The following MIX23 variants were observed in gnomAD, a reference collection of about 807,000 sequenced individuals.
MIX23 encodes protein MIX23.
A neutral mutation model predicts 21.6 loss-of-function variants in MIX23; 13 were observed. The ratio of observed to expected loss-of-function variants is 0.60; its 90% CI spans 0.39 to 0.96. MIX23 has a LOEUF of 0.96. MIX23 is among the 40% of genes least tolerant of loss of function. The probability of loss-of-function intolerance (pLI) is 0.00; values close to 1 mark genes in which losing one functional copy is unlikely to be tolerated. For synonymous variants in MIX23, 59 were observed against 58.0 expected (o/e 1.02, Z -0.08); for missense variants, 144 against 171.2 (o/e 0.84, Z 0.89).
intron 4 of MIX23, among the ~76,000 whole-genome samples, chr3:122,360,780 A>G (rs2075352594): frequency 6.6e-6 from 1 of 152,160 alleles, no homozygotes; most frequent in African/African-American, 2.4e-5. Flanking sequence ...GCCATTGACT[A>G]TTATAAAAAT....
Position 122,371,756 on chromosome 3 carries a change from A to G in MIX23, c.96T>C (p.His32=), listed in dbSNP as rs1576235475. 1 of 1,610,120 alleles carries G rather than the reference A, an allele frequency of 6.2e-7. No homozygotes were observed. The highest frequency in any genetic ancestry group is 2.2e-5 in the East Asian group (1 of 44,844). ...VMRTIDDRIV[H]ELNTTVPTAS... is the part of the protein sequence containing the mutation. ...CTGTTGGAACCGTAGTGTTTAATTC[A>G]TGTACTATTCTGTCATCAATTGTCC... The change falls in exon 2 of 5, where the codon CAT becomes CAC. Residue 32 remains histidine, a synonymous_variant. Coordinates refer to ENST00000291458, the MANE Select transcript of MIX23 (RefSeq NM_001017928.4).
At chr3:122,382,791 CCTT>C (rs1576242909) in intron 1 of MIX23, among the ~76,000 whole-genome samples, 1 of 152,180 alleles carries the variant, frequency 6.6e-6, no homozygotes, top group Non-Finnish European at 1.5e-5. Context: ...CTCTTCTGCA[CCTT>C]CTTCTCTCCC....
At chr3:122,372,449 T>C (rs960983244) in intron 1 of MIX23, among the ~76,000 whole-genome samples, 2 of 152,118 alleles carry the variant, frequency 1.3e-5, no homozygotes, top group Non-Finnish European at 2.9e-5. Context: ...CTCTTTCTTT[T>C]TAGTTTCTCA....
chr3:122,371,943 C>T (rs2075444972), intron 1 of MIX23, 143 bp from the exon 2 acceptor site: 1 of 655,636 alleles, frequency 1.5e-6, no homozygotes, highest in African/African-American at 1.8e-5. Context: ...TACATGCAAC[C>T]ATAAGAAAAT....
intron 1 of MIX23, among the ~76,000 whole-genome samples, chr3:122,374,708 C>T (rs2075469924): frequency 6.6e-6 from 1 of 152,100 alleles, no homozygotes; most frequent in Admixed American, 6.6e-5. Flanking sequence ...TTCAAAACAT[C>T]AAGGCTACAG....
intron 1 of MIX23, among the ~76,000 whole-genome samples, chr3:122,374,763 A>C (rs565083219): frequency 6.6e-6 from 1 of 152,304 alleles, no homozygotes; most frequent in South Asian, 2.1e-4. Flanking sequence ...AAAATTCCTG[A>C]AGGGGGAGAT....
intron 4 of MIX23, among the ~76,000 whole-genome samples, chr3:122,361,528 T>C (rs2075359008): frequency 6.6e-6 from 1 of 152,186 alleles, no homozygotes; most frequent in African/African-American, 2.4e-5. Context: ...TTAAAACAAG[T>C]AGGGGCCTCA....
chr3:122,378,695 C>T (rs1279340902), intron 1 of MIX23, among the ~76,000 whole-genome samples: 2 of 152,112 alleles, frequency 1.3e-5, no homozygotes, highest in Non-Finnish European at 2.9e-5. Context: ...GTGTTATAAT[C>T]TCATGGGACC....
intron 3 of MIX23, 53 bp from the exon 4 acceptor site, chr3:122,363,080 A>C: frequency 6.8e-7 from 1 of 1,472,836 alleles, no homozygotes; most frequent in Non-Finnish European, 9.4e-7. Flanking sequence ...AAGAAAAAAA[A>C]CTGAAGTTAT....
chr3:122,369,808 G>A (rs898327052), intron 2 of MIX23, among the ~76,000 whole-genome samples: 1 of 152,178 alleles, frequency 6.6e-6, no homozygotes, highest in Non-Finnish European at 1.5e-5. Context: ...GGACTGTGGT[G>A]GTGTGATCTT....
chr3:122,359,631 T>A lies in MIX23; in HGVS notation c.*238A>T. The A allele has an allele frequency of 6.7e-6, 2 of 297,380 alleles. No individual in the cohort carries two copies. Among genetic ancestry groups the A allele is most frequent in the Non-Finnish European group, 1.2e-5 (2 of 165,608 alleles). The allele number at this position is 297,380 out of a possible 1,614,324, so 18.4% of individuals were successfully genotyped here. A position where few individuals can be genotyped will look rare whatever the true frequency, so the allele number is the denominator to read the frequency against. ...AATTATTTTAATAGTTACAAAAATT[T>A]TTTTTTTTTTTTTTTACAGAATCAG... On this transcript the variant is annotated 3_prime_UTR_variant, in exon 5 of 5. Transcript: ENST00000291458.
chr3:122,366,986 T>C (rs901620665), intron 3 of MIX23, among the ~76,000 whole-genome samples: 3 of 152,012 alleles, frequency 2.0e-5, no homozygotes, highest in South Asian at 2.1e-4. Context: ...ACTGGTCCTG[T>C]AGGAAAAGTC....
chr3:122,371,842 GTTAGTGACAAAAAATAAGC>G, intron 1 of MIX23, 42 bp from the exon 2 acceptor site: 1 of 1,486,758 alleles, frequency 6.7e-7, no homozygotes, highest in Non-Finnish European at 9.2e-7. Context: ...CAAATGGAAA[GTTAGTGACAAAAAATAAGC>G]ATTTAAGTAA....
At position 122,377,433 on chromosome 3, in the gene MIX23, G is replaced by T. The variant is rs181473731; in HGVS notation, c.52-5633C>A. 1.1e-4 allele frequency among the ~76,000 whole-genome samples: 17 copies of T among 152,234 alleles called. No individual in the cohort carries two copies. In the East Asian group the frequency reaches 1.9e-3, roughly 17 times the overall value. On this transcript the variant is annotated intron_variant, in intron 1 of 4. Transcript: ENST00000291458. ...ACTGGAGGAGACTGTAGAAAGCGAAGGAGGCCAATGATTAAGGAATTCTTA... is the reference window on the plus strand; with the variant it reads ...ACTGGAGGAGACTGTAGAAAGCGAATGAGGCCAATGATTAAGGAATTCTTA...
intron 1 of MIX23, among the ~76,000 whole-genome samples, chr3:122,381,728 TAAAAAAAAA>T (rs55955834): frequency 1.5e-5 from 2 of 130,336 alleles, no homozygotes; most frequent in Admixed American, 1.6e-4. Context: ...AAAAAAAAAA[TAAAAAAAAA>T]AAAAAAAAGA....
At chr3:122,367,330 G>C (rs1200356767) in intron 3 of MIX23, among the ~76,000 whole-genome samples, 1 of 152,128 alleles carries the variant, frequency 6.6e-6, no homozygotes, top group Admixed American at 6.5e-5. Context: ...CCCCCTAAGA[G>C]TCCCCTCAAA....
intron 1 of MIX23, among the ~76,000 whole-genome samples, chr3:122,378,921 A>G (rs1278171453): frequency 1.3e-5 from 2 of 152,228 alleles, no homozygotes. Context: ...CAAGTATTCA[A>G]GAGCCACCTG....
chr3:122,378,335 A>C (rs930790721), intron 1 of MIX23, among the ~76,000 whole-genome samples: 1 of 152,232 alleles, frequency 6.6e-6, no homozygotes, highest in African/African-American at 2.4e-5. Flanking sequence ...AATTCCTTAC[A>C]TAGCAATGGG....
intron 1 of MIX23, among the ~76,000 whole-genome samples, chr3:122,374,415 T>C (rs748019049): frequency 6.6e-6 from 1 of 152,206 alleles, no homozygotes; most frequent in Non-Finnish European, 1.5e-5. Flanking sequence ...GTCCCTGATA[T>C]AAAATGGCAC....
Sources: allele counts gnomAD v4.1 joint callset (sites outside exome capture counted in the v4.1 genomes callset), GRCh38; gene constraint gnomAD v4.1.1; transcripts MANE v1.5; gene names NCBI Gene and HGNC (gene_info 2026-07-23, HGNC 2026-07-21).